HERC1: variants seen among roughly 807,000 people sequenced by gnomAD.
The protein encoded by HERC1 is probable E3 ubiquitin-protein ligase HERC1.
HERC1 carries 160 observed loss-of-function variants against 554.3 expected under a neutral mutation model. That is an observed-to-expected ratio of 0.29 (90% CI 0.25 to 0.33). The LOEUF (loss-of-function observed/expected upper bound fraction) is 0.33. Ranked by LOEUF, HERC1 falls within the 10% of genes least tolerant of loss-of-function variation. HERC1 has a pLI of 1.00. For missense variants in HERC1, 4,919 were observed against 5,918.5 expected, an observed-to-expected ratio of 0.83 and a Z score of 5.54; for synonymous variants, 2,175 against 2,131.7, an observed-to-expected ratio of 1.02 and a Z score of -0.56.
chr15:63,830,942 A>T (rs928179686), intron 1 of HERC1, among the ~76,000 whole-genome samples: 5 of 152,206 alleles, frequency 3.3e-5, no homozygotes, highest in African/African-American at 1.2e-4. Flanking sequence ...TAGTTAAAGA[A>T]AATGCTAGCA....
At position 63,680,314 on chromosome 15, in the gene HERC1, C is replaced by T. The variant is rs1158138601; in HGVS notation, c.6466-154G>A. Among the ~76,000 whole-genome samples the T allele has an allele frequency of 1.3e-5, 2 of 152,016 alleles. No homozygotes were observed. The highest frequency in any genetic ancestry group is 4.8e-5 in the African/African-American group (2 of 41,378). The stretch of plus-strand genomic sequence containing the variant: ...AACCTTGCTAACCGAGAAAATTCTA[C>T]ATATAATAAGTGATCATAATGTGTT... On this transcript the variant is annotated intron_variant, in intron 35 of 77. Coordinates refer to ENST00000443617, the MANE Select transcript of HERC1 (RefSeq NM_003922.4). The surrounding 1 kb of genome is among the most constrained non-coding windows in gnomAD (Gnocchi z 5.8).
At chr15:63,663,900 A>G (rs1057086336) in intron 43 of HERC1, among the ~76,000 whole-genome samples, 2 of 152,276 alleles carry the variant, frequency 1.3e-5, no homozygotes, top group African/African-American at 4.8e-5. Context: ...TACTCATGTT[A>G]TAGTATTTCA....
At position 63,692,749 on chromosome 15, in the gene HERC1, T is replaced by G. The variant is rs1383724797; in HGVS notation, c.5675-183A>C. Among the ~76,000 whole-genome samples, 1 of 152,190 alleles carries G rather than the reference T, an allele frequency of 6.6e-6. No individual in the cohort carries two copies. The highest frequency in any genetic ancestry group is 1.5e-5 in the Non-Finnish European group (1 of 68,032). ...AAGGTCAGAAAACAAAGCCTAAACT[T>G]GAAACGCCTTTTACATCTCTGTACA... On this transcript the variant is annotated intron_variant, in intron 30 of 77. Transcript: ENST00000443617. The surrounding 1 kb of genome is among the most constrained non-coding windows in gnomAD (Gnocchi z 4.7).
At chr15:63,673,863 T>C (rs938900978) in intron 38 of HERC1, among the ~76,000 whole-genome samples, 1 of 152,210 alleles carries the variant, frequency 6.6e-6, no homozygotes, top group Non-Finnish European at 1.5e-5. Context: ...TAGCTGGGAT[T>C]AAAGGCACAC....
chr15:63,617,588 A>T (rs1325726950), intron 74 of HERC1, among the ~76,000 whole-genome samples: 1 of 152,162 alleles, frequency 6.6e-6, no homozygotes, highest in African/African-American at 2.4e-5. Context: ...CACCACACTG[A>T]CTTCCACAAT....
intron 70 of HERC1, among the ~76,000 whole-genome samples, chr15:63,628,134 T>G (rs1431804452): frequency 6.6e-6 from 1 of 152,198 alleles, no homozygotes; most frequent in Non-Finnish European, 1.5e-5. Context: ...CTCATGCCTG[T>G]AATCCTAACA....
At chr15:63,777,286 C>T (rs1285882119) in intron 1 of HERC1, among the ~76,000 whole-genome samples, 1 of 152,176 alleles carries the variant, frequency 6.6e-6, no homozygotes, top group Non-Finnish European at 1.5e-5. Context: ...AATTCATCTT[C>T]CTAAGATACT....
At position 63,696,304 on chromosome 15, in the gene HERC1, T is replaced by G. The variant is rs369218408; in HGVS notation, c.4941A>C (p.Leu1647=). 1 of 1,612,644 alleles carries G rather than the reference T, an allele frequency of 6.2e-7. No homozygotes were observed. The highest frequency in any genetic ancestry group is 1.3e-5 in the African/African-American group (1 of 74,878). Residue 1647 remains leucine, a synonymous_variant, in exon 27 of 78, where the codon CTA becomes CTC. Coordinates refer to ENST00000443617, the MANE Select transcript of HERC1 (RefSeq NM_003922.4). Reference sequence around the variant, plus strand: ...TACCTTTTTCTTCCATCCCAGACAATAGAACGAGGATCTGATGAAGTGCCT... The same window carrying G: ...TACCTTTTTCTTCCATCCCAGACAAGAGAACGAGGATCTGATGAAGTGCCT... ...RLEALHQILV[L]LSGMEEKGSI...
intron 70 of HERC1, among the ~76,000 whole-genome samples, chr15:63,626,977 T>C (rs1477000393): frequency 4.6e-5 from 7 of 152,126 alleles, no homozygotes; most frequent in Admixed American, 3.9e-4. Context: ...TCAAGGTCAC[T>C]CAGATCATAT....
chr15:63,694,023 C>T lies in HERC1; in HGVS notation c.5615G>A (p.Gly1872Asp), dbSNP rs369765666. 1.6e-5 allele frequency: 26 copies of T among 1,583,118 alleles called. 1 individual carries two copies. Among genetic ancestry groups the T allele is most frequent in the Middle Eastern group, 3.3e-4 (2 of 6,052 alleles). Residue 1872 changes from glycine to aspartate, a missense_variant, in exon 30 of 78, where the codon GGT (glycine) becomes GAT (aspartate). Transcript: ENST00000443617. This position sits in a 1 kb window ranked among gnomAD's most constrained non-coding sequence, Gnocchi z 4.3. ...ASFGEGEQED[G>D]EEEEKKVDSS... ...GTCAACTTTTTTTTCTTCTTCTTCACCGTCTTCTTGCTCCCCTTCTCCGAA... is the reference window on the plus strand; with the variant it reads ...GTCAACTTTTTTTTCTTCTTCTTCATCGTCTTCTTGCTCCCCTTCTCCGAA...
chr15:63,721,601 T>C (rs2073824972), intron 19 of HERC1, among the ~76,000 whole-genome samples: 1 of 152,148 alleles, frequency 6.6e-6, no homozygotes, highest in African/African-American at 2.4e-5. Flanking sequence ...GAATAATATG[T>C]ATCTCATTTC....
intron 14 of HERC1, among the ~76,000 whole-genome samples, chr15:63,731,226 T>A (rs988530735): frequency 2.0e-5 from 3 of 152,186 alleles, no homozygotes; most frequent in African/African-American, 7.2e-5. Context: ...GTGCTGAATA[T>A]CTTTAGGCAG....
At chr15:63,757,407 C>G (rs2075460718) in intron 4 of HERC1, among the ~76,000 whole-genome samples, 1 of 151,708 alleles carries the variant, frequency 6.6e-6, no homozygotes, top group Non-Finnish European at 1.5e-5. Flanking sequence ...AGATTATAGG[C>G]ACGCGCCATC....
intron 70 of HERC1, 146 bp downstream of exon 70, chr15:63,628,531 T>C: frequency 3.7e-6 from 3 of 802,878 alleles, no homozygotes; most frequent in Non-Finnish European, 3.8e-6. Flanking sequence ...CTTCCAGTGC[T>C]AGTAGCACAA....
chr15:63,683,615 T>G (rs912029680), intron 34 of HERC1, among the ~76,000 whole-genome samples: 2 of 152,210 alleles, frequency 1.3e-5, no homozygotes, highest in African/African-American at 4.8e-5. Flanking sequence ...AGCCTGGACT[T>G]AAAACACTAT....
chr15:63,636,194 C>G, intron 64 of HERC1, 52 bp from the exon 65 acceptor site: 1 of 1,519,950 alleles, frequency 6.6e-7, no homozygotes, highest in Non-Finnish European at 9.0e-7. Context: ...AAACTCTCCT[C>G]TTTACTTGCA....
chr15:63,694,188 C>T lies in HERC1; in HGVS notation c.5481-31G>A. On this transcript the variant is annotated intron_variant, in intron 29 of 77. Coordinates refer to ENST00000443617, the MANE Select transcript of HERC1 (RefSeq NM_003922.4). The surrounding 1 kb of genome is among the most constrained non-coding windows in gnomAD (Gnocchi z 4.3). Reference sequence around the variant, plus strand: ...TGAAATAAAAGAAAAAAATAAGTGGCAAACACACAGAAGGGCAAGCATAGT... The same window carrying T: ...TGAAATAAAAGAAAAAAATAAGTGGTAAACACACAGAAGGGCAAGCATAGT... 1 of 1,568,828 alleles carries T rather than the reference C, an allele frequency of 6.4e-7. No individual in the cohort carries two copies. Among genetic ancestry groups the T allele is most frequent in the African/African-American group, 1.4e-5 (1 of 73,528 alleles).
chr15:63,783,833 T>C (rs1476699396), intron 1 of HERC1, among the ~76,000 whole-genome samples: 5 of 152,070 alleles, frequency 3.3e-5, no homozygotes, highest in African/African-American at 1.2e-4. Flanking sequence ...TTTGGGAGGC[T>C]GAAGCGGGCA....
intron 24 of HERC1, among the ~76,000 whole-genome samples, chr15:63,709,628 T>C (rs145971585): frequency 2.6e-5 from 4 of 152,342 alleles, no homozygotes; most frequent in East Asian, 3.9e-4. Flanking sequence ...TCAGATTTCA[T>C]AGCTGATTTC....
Sources: gnomAD v4.1 joint callset for allele counts (sites outside exome capture counted in the v4.1 genomes callset) on GRCh38, gnomAD v4.1.1 for gene constraint, Gnocchi (gnomAD v3.1) non-coding constraint, MANE v1.5 for transcripts, NCBI Gene and HGNC (gene_info 2026-07-23, HGNC 2026-07-21) for gene names.